Variants in METTL24 observed in about 807,000 individuals in gnomAD.
METTL24 encodes the protein probable methyltransferase-like protein 24.
Under a neutral mutation model 32.7 loss-of-function variants are expected in METTL24, and 29 were observed. That is an observed-to-expected ratio of 0.89 (90% CI 0.66 to 1.21). The LOEUF (loss-of-function observed/expected upper bound fraction) is 1.21. METTL24 is among the 50% of genes most tolerant of loss of function. The pLI is 0.00. For synonymous variants in METTL24, 163 were observed against 179.5 expected (o/e 0.91, Z 0.73); for missense variants, 439 against 468.1 (o/e 0.94, Z 0.57).
At chr6:110,317,783 G>A (rs776870502) in intron 2 of METTL24, among the ~76,000 whole-genome samples, 4 of 151,860 alleles carry the variant, frequency 2.6e-5, no homozygotes, top group African/African-American at 7.3e-5. Flanking sequence ...CTCAACATAC[G>A]GTCCGCCTAC....
chr6:110,263,816 A>G (rs1770801535), intron 4 of METTL24, among the ~76,000 whole-genome samples: 1 of 152,324 alleles, frequency 6.6e-6, no homozygotes, highest in Admixed American at 6.5e-5. Context: ...AAATAATGCC[A>G]CATATCTACA....
At chr6:110,273,568 G>A (rs1027125521) in intron 4 of METTL24, among the ~76,000 whole-genome samples, 8 of 150,478 alleles carry the variant, frequency 5.3e-5, no homozygotes, top group South Asian at 2.1e-4. Flanking sequence ...CTAAGGACAC[G>A]AATAGACAAT....
intron 1 of METTL24, among the ~76,000 whole-genome samples, chr6:110,337,262 G>C (rs554366245): frequency 6.6e-6 from 1 of 152,276 alleles, no homozygotes; most frequent in African/African-American, 2.4e-5. Flanking sequence ...CAGACACTGG[G>C]TTCTACTTGA....
chr6:110,251,842 C>T (rs1373916752), intron 4 of METTL24, among the ~76,000 whole-genome samples: 1 of 128,564 alleles, frequency 7.8e-6, no homozygotes, highest in Non-Finnish European at 1.7e-5. Flanking sequence ...AAGGCCACAC[C>T]CCTTCATACT....
Position 110,247,696 on chromosome 6 carries a change from A to G in METTL24, c.787-1436T>C, listed in dbSNP as rs540002685. ...AGCCCTTCAGGAAGCTGCTGACTGA[A>G]GTCATGAATATCCTGCCCCATGAAA... On this transcript the variant is annotated intron_variant, in intron 4 of 4. Coordinates refer to ENST00000338882, the MANE Select transcript of METTL24 (RefSeq NM_001123364.3). Among the ~76,000 whole-genome samples the G allele has an allele frequency of 7.6e-4, 115 of 152,278 alleles. 3 individuals carry two copies. The South Asian group carries it at 0.02, about 26-fold the overall frequency.
At chr6:110,282,394 T>A (rs1311936115) in intron 4 of METTL24, among the ~76,000 whole-genome samples, 1 of 152,148 alleles carries the variant, frequency 6.6e-6, no homozygotes, top group Non-Finnish European at 1.5e-5. Flanking sequence ...AGTGCCCATG[T>A]GGGGAGTAAC....
intron 4 of METTL24, chr6:110,253,921 T>G (rs1169410277): frequency 1.4e-6 from 2 of 1,470,430 alleles, no homozygotes. Context: ...AGGAGGTGAC[T>G]GCAGGTCCCC....
intron 4 of METTL24, among the ~76,000 whole-genome samples, chr6:110,269,350 T>C (rs1049297975): frequency 1.3e-5 from 2 of 152,180 alleles, no homozygotes; most frequent in African/African-American, 4.8e-5. Context: ...TTGTTTTCCC[T>C]TTAAAAGGGC....
intron 1 of METTL24, among the ~76,000 whole-genome samples, chr6:110,347,146 G>A (rs1476274066): frequency 6.6e-6 from 1 of 152,114 alleles, no homozygotes; most frequent in Non-Finnish European, 1.5e-5. Flanking sequence ...ATCTGGTAAA[G>A]AATCCACTGT....
At chr6:110,275,707 A>G (rs543093332) in intron 4 of METTL24, among the ~76,000 whole-genome samples, 1 of 152,338 alleles carries the variant, frequency 6.6e-6, no homozygotes, top group Non-Finnish European at 1.5e-5. Flanking sequence ...GTGTTTACAG[A>G]ATACCTAAAT....
At chr6:110,311,349 T>G (rs779025298) in intron 3 of METTL24, among the ~76,000 whole-genome samples, 89 of 152,302 alleles carry the variant, frequency 5.8e-4, no homozygotes, top group Non-Finnish European at 9.0e-4. Context: ...CAGTTTTCAA[T>G]TAAGTGCTTT....
chr6:110,318,055 C>T (rs907280881), intron 2 of METTL24, among the ~76,000 whole-genome samples: 1 of 152,120 alleles, frequency 6.6e-6, no homozygotes, highest in South Asian at 2.1e-4. Flanking sequence ...AAACATCAGC[C>T]CCTCTGACTC....
At chr6:110,258,155 C>T (rs1211090909) in intron 4 of METTL24, among the ~76,000 whole-genome samples, 1 of 152,208 alleles carries the variant, frequency 6.6e-6, no homozygotes, top group Non-Finnish European at 1.5e-5. Context: ...TATTTTCACT[C>T]ATTCTCCATA....
At chr6:110,252,024 A>G (rs968407745) in intron 4 of METTL24, among the ~76,000 whole-genome samples, 17 of 152,098 alleles carry the variant, frequency 1.1e-4, no homozygotes, top group Admixed American at 1.1e-3. Flanking sequence ...CACTCCTGTA[A>G]TCCCAGCTAC....
At chr6:110,352,740 A>C (rs1772632431) in intron 1 of METTL24, among the ~76,000 whole-genome samples, 1 of 152,170 alleles carries the variant, frequency 6.6e-6, no homozygotes, top group African/African-American at 2.4e-5. Flanking sequence ...AAACAGGCTC[A>C]TGTTACTTTC....
At chr6:110,276,828 G>T (rs1485461252) in intron 4 of METTL24, among the ~76,000 whole-genome samples, 3 of 151,706 alleles carry the variant, frequency 2.0e-5, no homozygotes, top group African/African-American at 7.3e-5. Flanking sequence ...ACAAACAAAA[G>T]AAAAACAAAA....
At chr6:110,319,246 T>C (rs533212875) in intron 2 of METTL24, among the ~76,000 whole-genome samples, 1 of 147,858 alleles carries the variant, frequency 6.8e-6, no homozygotes, top group South Asian at 2.1e-4. Flanking sequence ...ATTGTATGCT[T>C]ATTGTTTTTA....
intron 2 of METTL24, among the ~76,000 whole-genome samples, chr6:110,319,450 T>TAGAC (rs1043507429): frequency 5.4e-5 from 8 of 148,830 alleles, no homozygotes; most frequent in African/African-American, 2.1e-4. Context: ...GATAGATAGA[T>TAGAC]AGATAGATAG....
intron 3 of METTL24, among the ~76,000 whole-genome samples, chr6:110,309,867 AAAAC>A (rs1471256460): frequency 7.3e-5 from 11 of 150,858 alleles, no homozygotes; most frequent in African/African-American, 2.7e-4. Flanking sequence ...AGGAGCAAAA[AAAAC>A]AAAACAAAAC....
Sources: gnomAD v4.1 joint callset for allele counts (sites outside exome capture counted in the v4.1 genomes callset) on GRCh38, gnomAD v4.1.1 for gene constraint, MANE v1.5 for transcripts, NCBI Gene and HGNC (gene_info 2026-07-23, HGNC 2026-07-21) for gene names.